The following DOP1B variants were observed in gnomAD, a reference collection of about 807,000 sequenced individuals.
DOP1B encodes the protein protein DOP1B.
Under a neutral mutation model 233.5 loss-of-function variants are expected in DOP1B, and 174 were observed. The ratio of observed to expected loss-of-function variants is 0.75; its 90% CI spans 0.66 to 0.85. The LOEUF is 0.85. DOP1B is among the 40% of genes least tolerant of loss of function. The pLI, the probability that DOP1B is intolerant of heterozygous loss-of-function variation, is 0.00. For synonymous variants in DOP1B, 1,190 were observed against 1,185.6 expected, an observed-to-expected ratio of 1.00 and a Z score of -0.08; for missense variants, 2,652 against 2,846.6, an observed-to-expected ratio of 0.93 and a Z score of 1.56.
At chr21:36,191,528 G>A (rs1398229044) in intron 2 of DOP1B, among the ~76,000 whole-genome samples, 2 of 152,340 alleles carry the variant, frequency 1.3e-5, no homozygotes, top group Non-Finnish European at 2.9e-5. Context: ...GCTCACGCCT[G>A]TAATCCCAAC....
Position 36,246,031 on chromosome 21 carries a change from GT to G in DOP1B, c.4055del (p.Leu1352Ter). 2 of 1,614,034 alleles carry G rather than the reference GT, an allele frequency of 1.2e-6. No homozygotes were observed. The highest frequency in any genetic ancestry group is 1.7e-6 in the Non-Finnish European group (2 of 1,180,016). ...GGACGTGCAGGTCAAAAGTGTCGAG[GT>G]TTTGATCAGGATAATGATGCAGCTG... ...NRDVQVKSVE[V>X]LIRIMMQLVS... On this transcript the variant is annotated frameshift_variant, in exon 19 of 37. Transcript: ENST00000691173. LOFTEE classifies it high-confidence loss of function. This position sits in a 1 kb window ranked among gnomAD's most constrained non-coding sequence, Gnocchi z 5.1.
intron 20 of DOP1B, 91 bp downstream of exon 20, chr21:36,247,719 G>A: frequency 4.4e-6 from 4 of 900,554 alleles, no homozygotes; most frequent in Non-Finnish European, 5.0e-6. Flanking sequence ...ACGTATGTAT[G>A]TAATGTCTGT....
At chr21:36,247,022 G>A (rs1259909079) in intron 19 of DOP1B, among the ~76,000 whole-genome samples, 1 of 152,112 alleles carries the variant, frequency 6.6e-6, no homozygotes, top group African/African-American at 2.4e-5. Context: ...TGGGATTACA[G>A]GTGCCTACCG....
At chr21:36,251,060 C>G in intron 21 of DOP1B, 102 bp from the exon 22 acceptor site, 1 of 1,446,488 alleles carries the variant, frequency 6.9e-7, no homozygotes, top group Non-Finnish European at 9.2e-7. Context: ...ACAAACATGA[C>G]AGGGTCCTTG....
chr21:36,292,635 G>A lies in DOP1B; in HGVS notation c.6645+402G>A, dbSNP rs1328708298. ...GGTTTTTTTTTTTTTTTTTTGAGAC[G>A]AAGTCTCACTCTGTTGCCCAGACTG... On this transcript the variant is annotated intron_variant, in intron 36 of 36. Transcript: ENST00000691173. Among the ~76,000 whole-genome samples the A allele has an allele frequency of 2.2e-4, 29 of 130,644 alleles. No individual in the cohort carries two copies. The East Asian group carries it at 5.6e-3, about 25-fold the overall frequency. 85.7% of individuals were successfully genotyped at this position (130,644 alleles called of 152,430 possible). A position where few individuals can be genotyped will look rare whatever the true frequency, so the allele number is the denominator to read the frequency against.
At chr21:36,256,774 A>C (rs1321450313) in intron 23 of DOP1B, among the ~76,000 whole-genome samples, 1 of 151,662 alleles carries the variant, frequency 6.6e-6, no homozygotes, top group Non-Finnish European at 1.5e-5. Context: ...GAAAAAAAAA[A>C]ACAACTGTGT....
At chr21:36,193,215 A>G (rs1312827662) in intron 2 of DOP1B, among the ~76,000 whole-genome samples, 2 of 152,204 alleles carry the variant, frequency 1.3e-5, no homozygotes, top group Non-Finnish European at 2.9e-5. Flanking sequence ...AGAGAAAAGC[A>G]TGCAAATTAA....
intron 23 of DOP1B, 96 bp downstream of exon 23, chr21:36,254,005 A>G (rs1188686507): frequency 6.8e-7 from 1 of 1,464,040 alleles, no homozygotes; most frequent in African/African-American, 1.4e-5. Flanking sequence ...GGAGGGAAGG[A>G]TAGGTAACAA....
rs1032102436 is a variant in DOP1B, at chr21:36,259,279, C to CT, written c.5260-1389dup. ...TGCGCCCGGGCTTTTTTTTTTTTTT[C>CT]TTTTTTTTTGAGATGGAGTCTCGCT... is the stretch of plus-strand genomic sequence containing the variant. On this transcript the variant is annotated intron_variant, in intron 23 of 36. Coordinates refer to ENST00000691173, the MANE Select transcript of DOP1B (RefSeq NM_001320714.2). 2.5e-4 allele frequency among the ~76,000 whole-genome samples: 22 copies of CT among 89,740 alleles called. No individual in the cohort carries two copies. In the South Asian group the frequency reaches 2.8e-3, roughly 11 times the overall value. 58.9% of individuals were successfully genotyped at this position (89,740 alleles called of 152,430 possible).
intron 32 of DOP1B, among the ~76,000 whole-genome samples, chr21:36,285,821 AC>A (rs2067475711): frequency 6.6e-6 from 1 of 152,144 alleles, no homozygotes; most frequent in African/African-American, 2.4e-5. Context: ...AACCTGGCCA[AC>A]ATGGTGAAAC....
intron 32 of DOP1B, among the ~76,000 whole-genome samples, chr21:36,283,743 C>T (rs1048158661): frequency 7.2e-5 from 11 of 151,978 alleles, no homozygotes; most frequent in African/African-American, 2.7e-4. Flanking sequence ...AAAAGAACAA[C>T]AGGAATCACC....
At position 36,267,625 on chromosome 21, in the gene DOP1B, C is replaced by CTTTTTTT. The variant is rs3029062; in HGVS notation, c.5488-2376_5488-2370dup. Among the ~76,000 whole-genome samples, 577 of 116,852 alleles carry CTTTTTTT rather than the reference C, an allele frequency of 4.9e-3. 33 individuals carry two copies. Among genetic ancestry groups the CTTTTTTT allele is most frequent in the African/African-American group, 0.013 (375 of 28,854 alleles). The allele number at this position is 116,852 out of a possible 152,430, so 76.7% of individuals were successfully genotyped here. On this transcript the variant is annotated intron_variant, in intron 26 of 36. Transcript: ENST00000691173. Reference sequence around the variant, plus strand: ...CCAGGAGGTCGAGGCTGCAGTGAGACTTTTTTTTTTTTTTTTTTGAGATGG... The same window carrying CTTTTTTT: ...CCAGGAGGTCGAGGCTGCAGTGAGACTTTTTTTTTTTTTTTTTTTTTTTTTGAGATGG...
At chr21:36,260,877 C>T in intron 24 of DOP1B, 145 bp downstream of exon 24, 1 of 1,489,518 alleles carries the variant, frequency 6.7e-7, no homozygotes, top group South Asian at 1.4e-5. Context: ...AATTTCTTCC[C>T]AAGGTATTGA....
chr21:36,219,910 A>G (rs968497516), intron 10 of DOP1B, among the ~76,000 whole-genome samples: 6 of 150,712 alleles, frequency 4.0e-5, no homozygotes, highest in Admixed American at 3.3e-4. Context: ...AGGGGATGTG[A>G]GTCTTCAGGA....
At position 36,245,858 on chromosome 21, in the gene DOP1B, G is replaced by A. The variant is rs747817831; in HGVS notation, c.3878G>A (p.Ser1293Asn). The change falls in exon 19 of 37, where the codon AGT (serine) becomes AAT (asparagine). Residue 1293 changes from serine to asparagine, a missense_variant. Physicochemically the swap from Ser to Asn is conservative, Grantham distance 46. Around this residue, in one of 3 missense-constraint regions of DOP1B, gnomAD observed 2,617 missense variants for 2,794.3 expected, o/e 0.94. Transcript: ENST00000691173. The surrounding 1 kb of genome is among the most constrained non-coding windows in gnomAD (Gnocchi z 5.5). ...ARHQEALIGQ[S>N]FYGKLQTQVP... ...CACCAGGAGGCCCTCATTGGCCAGA[G>A]TTTCTACGGAAAGCTCCAGACCCAG... 5.0e-6 allele frequency: 8 copies of A among 1,613,864 alleles called. No homozygotes were observed. Among genetic ancestry groups the A allele is most frequent in the Non-Finnish European group, 5.9e-6 (7 of 1,180,000 alleles).
chr21:36,224,559 TC>T (rs1305892462), intron 11 of DOP1B, among the ~76,000 whole-genome samples: 1 of 151,852 alleles, frequency 6.6e-6, no homozygotes, highest in Non-Finnish European at 1.5e-5. Context: ...CAACATTTTG[TC>T]CTCTTTTCAT....
In DOP1B at chr21:36,246,147, C is replaced by T. The variant is rs1459662767; in HGVS notation, c.4167C>T (p.Leu1389=). The T allele has an allele frequency of 6.2e-7, 1 of 1,613,786 alleles. No homozygotes were observed. Among genetic ancestry groups the T allele is most frequent in the East Asian group, 2.2e-5 (1 of 44,878 alleles). The part of the protein sequence containing the change: ...QRCKVQEFVL[L]SLSASMYTSQ... ...GCAAAGTTCAGGAGTTTGTCCTGCT[C>T]TCCCTGTCGGCGTCCATGTACACGA... The change falls in exon 19 of 37, where the codon CTC becomes CTT. Residue 1389 remains leucine, a synonymous_variant. Transcript: ENST00000691173. This position sits in a 1 kb window ranked among gnomAD's most constrained non-coding sequence, Gnocchi z 5.1.
intron 18 of DOP1B, among the ~76,000 whole-genome samples, chr21:36,240,460 A>T (rs745650893): frequency 4.6e-5 from 7 of 152,218 alleles, no homozygotes; most frequent in Non-Finnish European, 8.8e-5. Context: ...AGCCTGGGTG[A>T]CAGAGAGAGA....
intron 23 of DOP1B, among the ~76,000 whole-genome samples, chr21:36,259,160 T>G (rs898651819): frequency 7.2e-5 from 11 of 151,976 alleles, no homozygotes; most frequent in Non-Finnish European, 1.3e-4. Flanking sequence ...AGAGACAGGG[T>G]TTCACCGTGT....
Sources: allele counts gnomAD v4.1 joint callset (sites outside exome capture counted in the v4.1 genomes callset), GRCh38; gene constraint gnomAD v4.1.1; regional missense constraint gnomAD v4.1.1; non-coding constraint Gnocchi (gnomAD v3.1); transcripts MANE v1.5; gene names NCBI Gene and HGNC (gene_info 2026-07-23, HGNC 2026-07-21).